TG: variants seen among roughly 807,000 people sequenced by gnomAD.
TG encodes the protein thyroid hormones.
A neutral mutation model predicts 324.7 loss-of-function variants in TG; 270 were observed. The ratio of observed to expected loss-of-function variants is 0.83; its 90% confidence interval spans 0.75 to 0.92. The LOEUF (loss-of-function observed/expected upper bound fraction) is 0.92. Ranked by LOEUF, TG falls within the 40% of genes least tolerant of loss-of-function variation. The pLI, the probability that TG is intolerant of heterozygous loss-of-function variation, is 0.00. For synonymous variants in TG, 1,401 were observed against 1,327.0 expected (o/e 1.06, Z -1.21); for missense variants, 3,591 against 3,456.4 (o/e 1.04, Z -0.98).
Position 132,868,205 on chromosome 8 carries a change from C to A in TG, c.158C>A (p.Ala53Glu). 1.2e-6 allele frequency: 2 copies of A among 1,614,106 alleles called. No homozygotes were observed. Among genetic ancestry groups the A allele is most frequent in the South Asian group, 2.2e-5 (2 of 91,078 alleles). ...LKQADYVPQCAEDGSFQTVQC... is the reference protein window; with the variant it reads ...LKQADYVPQCEEDGSFQTVQC... Reference sequence around the variant, plus strand: ...CAAGCAGACTACGTGCCCCAGTGTGCAGAGGATGGCAGCTTCCAGTAAGGC... The same window carrying A: ...CAAGCAGACTACGTGCCCCAGTGTGAAGAGGATGGCAGCTTCCAGTAAGGC... Residue 53 changes from alanine (A) to glutamate (E), a missense_variant, in exon 2 of 48, where the codon GCA (alanine) becomes GAA (glutamate). Transcript: ENST00000220616.
intron 18 of TG, among the ~76,000 whole-genome samples, chr8:132,909,932 G>A (rs1379054516): frequency 6.6e-6 from 1 of 152,162 alleles, no homozygotes; most frequent in East Asian, 1.9e-4. Context: ...TTGTAATGTG[G>A]GGTAATGAGA....
At chr8:133,132,083 C>T in intron 46 of TG, 137 bp downstream of exon 46, 2 of 1,350,034 alleles carry the variant, frequency 1.5e-6, no homozygotes, top group Non-Finnish European at 2.1e-6. Flanking sequence ...AGCCACTGGC[C>T]TCCCTGTCTC....
At chr8:132,954,836 T>C (rs2140296) in intron 27 of TG, among the ~76,000 whole-genome samples, 45,928 of 152,098 alleles carry the variant, frequency 0.3, 9,229 homozygotes, top group African/African-American at 0.56. Flanking sequence ...TAGCACAGCT[T>C]GGGTTTCCTT....
intron 45 of TG, among the ~76,000 whole-genome samples, chr8:133,130,971 G>A (rs1851901508): frequency 6.6e-6 from 1 of 152,222 alleles, no homozygotes; most frequent in South Asian, 2.1e-4. Flanking sequence ...TGGCTTCTCT[G>A]TCGCCACCGC....
Position 132,887,532 on chromosome 8 carries a change from AG to A in TG, c.2163del (p.Lys722SerfsTer76), listed in dbSNP as rs1284692698. ...QAIPGTRSAI[G>X]KPKKCPTPCQ... ...CCATTCCTGGAACTCGAAGTGCAAT[AG>A]GGAAGCCCAAGAAATGTAAGTCTGT... On this transcript the variant is annotated frameshift_variant, in exon 9 of 48. Transcript: ENST00000220616. LOFTEE classifies it high-confidence loss of function. The A allele has an allele frequency of 6.2e-7, 1 of 1,614,220 alleles. No homozygotes were observed. Among genetic ancestry groups the A allele is most frequent in the Admixed American group, 1.7e-5 (1 of 60,028 alleles).
intron 41 of TG, among the ~76,000 whole-genome samples, chr8:133,041,985 C>T (rs2741190): frequency 0.55 from 83,252 of 151,246 alleles, 23,883 homozygotes; most frequent in African/African-American, 0.7. Flanking sequence ...GATGGAGTTT[C>T]ACCATGTTGG....
intron 41 of TG, among the ~76,000 whole-genome samples, chr8:133,046,885 G>C (rs377512897): frequency 6.6e-6 from 1 of 152,178 alleles, no homozygotes; most frequent in Non-Finnish European, 1.5e-5. Flanking sequence ...CTAGCACCAG[G>C]TGGCTTTGGC....
intron 27 of TG, among the ~76,000 whole-genome samples, chr8:132,956,434 C>A (rs1243352839): frequency 6.6e-6 from 1 of 152,148 alleles, no homozygotes; most frequent in African/African-American, 2.4e-5. Context: ...CTGAATACTG[C>A]AAACTCAGAG....
rs1357960977 is a variant in TG at position 132,893,731 on chromosome 8, T to A, written c.2803T>A (p.Phe935Ile). 6.2e-7 allele frequency: 1 copy of A among 1,613,700 alleles called. No individual in the cohort carries two copies. Among genetic ancestry groups the A allele is most frequent in the East Asian group, 2.2e-5 (1 of 44,880 alleles). Residue 935 changes from phenylalanine to isoleucine, a missense_variant, in exon 11 of 48, where the codon TTC becomes ATC. Physicochemically the swap from Phe to Ile is conservative, Grantham distance 21 (BLOSUM62 0). Coordinates refer to ENST00000220616, the MANE Select transcript of TG (RefSeq NM_003235.5). ...GGAAGCAAAGCTCCGTGTACTGCAG[T>A]TCATTAGGGAAACGGAAGAGATTGT... ...CEEAKLRVLQ[F>I]IRETEEIVSA... is the part of the protein sequence containing the mutation.
intron 33 of TG, chr8:132,972,308 G>C (rs995546280): frequency 2.0e-6 from 1 of 508,812 alleles, no homozygotes; most frequent in Non-Finnish European, 3.5e-6. Context: ...TACCTTCCTC[G>C]TAAGGTTATG....
intron 5 of TG, among the ~76,000 whole-genome samples, chr8:132,876,851 T>C (rs1813875841): frequency 6.6e-6 from 1 of 152,240 alleles, no homozygotes; most frequent in African/African-American, 2.4e-5. Flanking sequence ...TCTGAGTTAA[T>C]TGGCTTCTTT....
chr8:133,064,925 A>G (rs2248330), intron 41 of TG, among the ~76,000 whole-genome samples: 115,709 of 151,550 alleles, frequency 0.76, 44,328 homozygotes, highest in Admixed American at 0.82. Context: ...AGACAAATTG[A>G]GGAAGTCCAA....
At chr8:132,905,359 G>A (rs527540993) in intron 16 of TG, among the ~76,000 whole-genome samples, 75 of 152,252 alleles carry the variant, frequency 4.9e-4, no homozygotes, top group Admixed American at 1.6e-3. Flanking sequence ...ACTGCAAATC[G>A]CAGTGCAAAA....
chr8:133,040,172 G>A lies in TG; in HGVS notation c.7239+10149G>A, dbSNP rs767538718. The A allele has an allele frequency of 3.1e-5, 49 of 1,558,584 alleles. No individual in the cohort carries two copies. In the Admixed American group the frequency reaches 4.4e-4, roughly 14 times the overall value. The stretch of plus-strand genomic sequence containing the variant: ...ACAGCCGGTCAGGGACCCTGGGGAC[G>A]CCTCAGCCAGTGTGGGGTTCAGGCC... On this transcript the variant is annotated intron_variant, in intron 41 of 47. Transcript: ENST00000220616.
At chr8:133,004,573 C>T (rs567419209) in intron 35 of TG, among the ~76,000 whole-genome samples, 73 of 152,242 alleles carry the variant, frequency 4.8e-4, no homozygotes, top group Non-Finnish European at 8.2e-4. Context: ...AAGATCAATG[C>T]GAGTTAACAT....
At chr8:133,015,324 A>G (rs1834924795) in intron 37 of TG, among the ~76,000 whole-genome samples, 1 of 152,344 alleles carries the variant, frequency 6.6e-6, no homozygotes, top group Non-Finnish European at 1.5e-5. Flanking sequence ...GTGTGCACAT[A>G]TGCATCTACA....
At chr8:132,983,730 C>T (rs1156609650) in intron 35 of TG, 8 of 451,096 alleles carry the variant, frequency 1.8e-5, no homozygotes, top group South Asian at 4.3e-5. Flanking sequence ...TGACTAGACA[C>T]ACACAATCCG....
At chr8:133,044,155 C>T (rs1230825785) in intron 41 of TG, among the ~76,000 whole-genome samples, 1 of 152,182 alleles carries the variant, frequency 6.6e-6, no homozygotes, top group Non-Finnish European at 1.5e-5. Flanking sequence ...AACAGAGCTT[C>T]CTGAGTGGGT....
At chr8:132,910,848 A>G (rs1047779115) in intron 18 of TG, among the ~76,000 whole-genome samples, 2 of 152,172 alleles carry the variant, frequency 1.3e-5, no homozygotes, top group African/African-American at 4.8e-5. Context: ...TCAACCCTGG[A>G]CCAAAGCCTG....
Sources: allele counts gnomAD v4.1 joint callset (sites outside exome capture counted in the v4.1 genomes callset), GRCh38; gene constraint gnomAD v4.1.1; transcripts MANE v1.5; gene names NCBI Gene and HGNC (gene_info 2026-07-23, HGNC 2026-07-21).